PRUNE1: variants seen among roughly 807,000 people sequenced by gnomAD.
PRUNE1 encodes prune exopolyphosphatase 1, also known as exopolyphosphatase PRUNE1.
Under a neutral mutation model 42.5 loss-of-function variants are expected in PRUNE1, and 25 were observed. That is an observed-to-expected ratio of 0.59 (90% CI 0.43 to 0.82). The LOEUF is 0.82. Among genes scored for constraint, PRUNE1 ranks in the 40% least tolerant of loss-of-function variants. The pLI is 0.00. For synonymous variants in PRUNE1, 203 were observed against 217.1 expected (o/e 0.93, Z 0.57); for missense variants, 443 against 539.3 (o/e 0.82, Z 1.77).
At chr1:151,012,091 T>TA (rs1052271898) in intron 1 of PRUNE1, among the ~76,000 whole-genome samples, 3 of 151,098 alleles carry the variant, frequency 2.0e-5, no homozygotes, top group East Asian at 1.9e-4. Flanking sequence ...AGTGGGTCTT[T>TA]AAAAAAAAGA....
chr1:151,016,778 A>G (rs948278747), intron 1 of PRUNE1, among the ~76,000 whole-genome samples: 3 of 151,630 alleles, frequency 2.0e-5, no homozygotes, highest in African/African-American at 4.8e-5. Context: ...TTGGGATTAC[A>G]GGCGCCAGCC....
chr1:151,021,761 A>T (rs1443623598), intron 3 of PRUNE1, among the ~76,000 whole-genome samples: 2 of 143,762 alleles, frequency 1.4e-5, no homozygotes, highest in Non-Finnish European at 3.0e-5. Flanking sequence ...CTTGTTGCCT[A>T]GGTTGGAGTG....
chr1:151,021,242 G>C (rs1674413484), intron 3 of PRUNE1, among the ~76,000 whole-genome samples: 1 of 151,926 alleles, frequency 6.6e-6, no homozygotes, highest in Non-Finnish European at 1.5e-5. Flanking sequence ...AATCACCTGA[G>C]GTCAGGAGTT....
rs967456764 is a variant in PRUNE1, at chr1:151,008,449, G to T, written c.-184G>T. 39 of 1,059,404 alleles carry T rather than the reference G, an allele frequency of 3.7e-5. No individual in the cohort carries two copies. The highest frequency in any genetic ancestry group is 1.8e-4 in the South Asian group (12 of 65,924). The allele number at this position is 1,059,404 out of a possible 1,614,324, so 65.6% of individuals were successfully genotyped here. ...GCGGGGCGACGCCGGACTCCGGAGC[G>T]CCCGCTTACGCAGTTCCTCCCGGGG... On this transcript the variant is annotated 5_prime_UTR_variant, in exon 1 of 8. Transcript: ENST00000271620.
At chr1:151,027,713 C>T (rs1249266672) in intron 6 of PRUNE1, among the ~76,000 whole-genome samples, 2 of 150,670 alleles carry the variant, frequency 1.3e-5, no homozygotes, top group African/African-American at 4.9e-5. Flanking sequence ...TCTCGAGTAG[C>T]TGGGTCCACA....
At chr1:151,023,230 G>A (rs1286641704) in intron 3 of PRUNE1, among the ~76,000 whole-genome samples, 1 of 152,166 alleles carries the variant, frequency 6.6e-6, no homozygotes, top group Non-Finnish European at 1.5e-5. Context: ...CTTTGTGAAG[G>A]ACAGCCCAGG....
At chr1:151,022,572 C>T (rs1674533819) in intron 3 of PRUNE1, among the ~76,000 whole-genome samples, 1 of 151,704 alleles carries the variant, frequency 6.6e-6, no homozygotes, top group South Asian at 2.1e-4. Flanking sequence ...GTGTGCCCGC[C>T]ACCACACCTG....
chr1:151,012,983 G>A (rs368311118), intron 1 of PRUNE1, among the ~76,000 whole-genome samples: 93 of 152,070 alleles, frequency 6.1e-4, no homozygotes, highest in African/African-American at 2.1e-3. Context: ...GGCTGGTCTC[G>A]AACCCCTGAC....
chr1:151,028,819 C>T lies in PRUNE1; in HGVS notation c.808C>T (p.Leu270Phe). 6.2e-7 allele frequency: 1 copy of T among 1,614,122 alleles called. No individual in the cohort carries two copies. The highest frequency in any genetic ancestry group is 8.5e-7 in the Non-Finnish European group (1 of 1,179,994). Residue 270 changes from leucine (L) to phenylalanine (F), a missense_variant, in exon 7 of 8, where the codon CTC (leucine) becomes TTC (phenylalanine). Leu to Phe is a conservative substitution (Grantham distance 22, BLOSUM62 0). Coordinates refer to ENST00000271620, the MANE Select transcript of PRUNE1 (RefSeq NM_021222.3). ...GCAGAGGTCTAACCTCCTTGCAGAT[C>T]TCCATGCTTTCTGCCAGGCTCACAG... is the stretch of plus-strand genomic sequence containing the variant. ...FLQRSNLLAD[L>F]HAFCQAHSYD...
chr1:151,029,813 G>A (rs926902282), intron 7 of PRUNE1, among the ~76,000 whole-genome samples: 14 of 151,972 alleles, frequency 9.2e-5, no homozygotes, highest in African/African-American at 2.9e-4. Context: ...TTAGAAATAC[G>A]AGAGACCTTT....
At chr1:151,023,206 G>A (rs773972465) in intron 3 of PRUNE1, among the ~76,000 whole-genome samples, 3 of 152,068 alleles carry the variant, frequency 2.0e-5, no homozygotes, top group Non-Finnish European at 4.4e-5. Flanking sequence ...TTTTTCAAAT[G>A]ATCATTCAGG....
intron 1 of PRUNE1, among the ~76,000 whole-genome samples, chr1:151,014,866 A>G (rs766309901): frequency 2.0e-5 from 3 of 152,190 alleles, no homozygotes; most frequent in Non-Finnish European, 4.4e-5. Flanking sequence ...CCTGCCAAAT[A>G]TCCTATAATG....
At chr1:151,009,120 G>T (rs1673575419) in intron 1 of PRUNE1, among the ~76,000 whole-genome samples, 1 of 152,200 alleles carries the variant, frequency 6.6e-6, no homozygotes, top group Non-Finnish European at 1.5e-5. Flanking sequence ...CCTCGGGGGT[G>T]TGGAGGGAAC....
chr1:151,033,172 G>T (rs1446485807), intron 7 of PRUNE1, among the ~76,000 whole-genome samples: 1 of 150,608 alleles, frequency 6.6e-6, no homozygotes, highest in African/African-American at 2.4e-5. Context: ...TGCAACTTCT[G>T]TCTCCTGGGT....
Position 151,029,619 on chromosome 1 carries a change from G to A in PRUNE1, c.933+675G>A, listed in dbSNP as rs587766331. On this transcript the variant is annotated intron_variant, in intron 7 of 7. Transcript: ENST00000271620. ...CCTGACCTCGTGATCCGCCCGCCTTGGCCTCCCAAAGTGCTGGGATTACAG... is the reference window on the plus strand; with the variant it reads ...CCTGACCTCGTGATCCGCCCGCCTTAGCCTCCCAAAGTGCTGGGATTACAG... 1.1e-3 allele frequency among the ~76,000 whole-genome samples: 164 copies of A among 151,596 alleles called. 1 individual carries two copies. The South Asian group carries it at 0.033, about 30-fold the overall frequency.
intron 7 of PRUNE1, among the ~76,000 whole-genome samples, chr1:151,029,538 T>G (rs1402631151): frequency 1.3e-5 from 2 of 151,602 alleles, no homozygotes; most frequent in African/African-American, 4.8e-5. Context: ...CGGCTAATTT[T>G]TTGTATTTTT....
intron 3 of PRUNE1, among the ~76,000 whole-genome samples, chr1:151,022,390 G>C (rs1244839828): frequency 1.3e-5 from 2 of 149,574 alleles, no homozygotes; most frequent in Non-Finnish European, 3.0e-5. Context: ...GATTACAGGC[G>C]TGAGCCACCA....
rs1042892604 is a variant in PRUNE1 at position 151,027,912 on chromosome 1, G to A, written c.774+585G>A. On this transcript the variant is annotated intron_variant, in intron 6 of 7. Transcript: ENST00000271620. ...ATTATAGGCGTGAGCCACTGTGCCC[G>A]GCCTCATTGTATTTTTAATAAAATC... Among the ~76,000 whole-genome samples, 32 of 152,056 alleles carry A rather than the reference G, an allele frequency of 2.1e-4. 1 individual carries two copies. Among genetic ancestry groups the A allele is most frequent in the South Asian group, 8.3e-4 (4 of 4,818 alleles).
chr1:151,017,743 T>A (rs1052755213), intron 1 of PRUNE1, 69 bp from the exon 2 acceptor site: 178 of 933,608 alleles, frequency 1.9e-4, no homozygotes, highest in Middle Eastern at 3.7e-4. Context: ...ATATATTATT[T>A]AAAAAAAAAA....
Sources: gnomAD v4.1 joint callset for allele counts (sites outside exome capture counted in the v4.1 genomes callset) on GRCh38, gnomAD v4.1.1 for gene constraint, MANE v1.5 for transcripts, NCBI Gene and HGNC (gene_info 2026-07-23, HGNC 2026-07-21) for gene names.